Variants in RLF observed in about 807,000 individuals in gnomAD.
RLF encodes RLF zinc finger.
A neutral mutation model predicts 162.9 loss-of-function variants in RLF; 7 were observed. The ratio of observed to expected loss-of-function variants is 0.04; its 90% CI spans 0.02 to 0.08. The LOEUF (loss-of-function observed/expected upper bound fraction) is 0.08. Ranked by LOEUF, RLF falls within the 10% of genes least tolerant of loss-of-function variation. RLF has a pLI of 1.00. For synonymous variants in RLF, 782 were observed against 791.5 expected, an observed-to-expected ratio of 0.99 and a Z score of 0.20; for missense variants, 1,664 against 2,244.7, an observed-to-expected ratio of 0.74 and a Z score of 5.23.
Position 40,195,657 on chromosome 1 carries a change from T to G in RLF, c.500T>G (p.Phe167Cys). 1 of 1,612,820 alleles carries G rather than the reference T, an allele frequency of 6.2e-7. No individual in the cohort carries two copies. The highest frequency in any genetic ancestry group is 8.5e-7 in the Non-Finnish European group (1 of 1,179,190). Residue 167 changes from phenylalanine to cysteine, a missense_variant, in exon 4 of 8, where the codon TTT (phenylalanine) becomes TGT (cysteine). Phe to Cys is a radical substitution (Grantham distance 205). This residue lies in a region of RLF where 287 missense variants were observed against 404.9 expected (regional missense o/e 0.71). Coordinates refer to ENST00000372771, the MANE Select transcript of RLF (RefSeq NM_012421.4). ...GAGTCACATGATGCATTATTGGAAT[T>G]TGGGAATAATAACCTACAAATATTG... ...LQESHDALLE[F>C]GNNNLQILVH...
At chr1:40,216,390 A>G (rs1030508831) in intron 5 of RLF, among the ~76,000 whole-genome samples, 9 of 151,944 alleles carry the variant, frequency 5.9e-5, no homozygotes, top group African/African-American at 2.2e-4. Flanking sequence ...CAGGAGGCTG[A>G]GGCAGGAGAA....
At chr1:40,205,921 G>A (rs551479397) in intron 5 of RLF, among the ~76,000 whole-genome samples, 25 of 152,164 alleles carry the variant, frequency 1.6e-4, no homozygotes, top group Middle Eastern at 3.4e-3. Flanking sequence ...CTACTTTGCT[G>A]TCTGATGAGT....
intron 1 of RLF, among the ~76,000 whole-genome samples, chr1:40,184,155 G>A (rs1433425342): frequency 5.9e-5 from 9 of 152,160 alleles, no homozygotes; most frequent in African/African-American, 1.2e-4. Context: ...GTTTAGAAAA[G>A]TATAAAGATG....
At position 40,237,225 on chromosome 1, in the gene RLF, G is replaced by T; in HGVS notation, c.2523G>T (p.Glu841Asp). ...ACATAAAGAAATCAGTGAAACTTGA[G>T]GAGTCTGCAACAGGTGAAAAGCAAG... ...NGDIKKSVKL[E>D]ESATGEKQDC... The change falls in exon 8 of 8, where the codon GAG becomes GAT. Residue 841 changes from glutamate (E) to aspartate (D), a missense_variant. By Grantham distance (45) the Glu-to-Asp change is conservative. This residue lies in a region of RLF where 295 missense variants were observed against 317.4 expected (regional missense o/e 0.93). Transcript: ENST00000372771. The surrounding 1 kb of genome is among the most constrained non-coding windows in gnomAD (Gnocchi z 4.4). The T allele has an allele frequency of 2.5e-6, 4 of 1,613,882 alleles. No homozygotes were observed. The highest frequency in any genetic ancestry group is 3.4e-6 in the Non-Finnish European group (4 of 1,179,908).
chr1:40,187,044 T>G (rs1570528363), intron 1 of RLF, among the ~76,000 whole-genome samples: 1 of 151,586 alleles, frequency 6.6e-6, no homozygotes, highest in Middle Eastern at 3.4e-3. Flanking sequence ...TTTTTTGGTT[T>G]TTTTTTTTGA....
rs747567470 is a variant in RLF at position 40,237,928 on chromosome 1, A to G, written c.3226A>G (p.Ile1076Val). 13 of 1,614,064 alleles carry G rather than the reference A, an allele frequency of 8.1e-6. No homozygotes were observed. Among genetic ancestry groups the G allele is most frequent in the Admixed American group, 3.3e-5 (2 of 60,000 alleles). Residue 1076 changes from isoleucine (I) to valine (V), a missense_variant, in exon 8 of 8, where the codon ATA (isoleucine) becomes GTA (valine). Transcript: ENST00000372771. The surrounding 1 kb of genome is among the most constrained non-coding windows in gnomAD (Gnocchi z 4.4). ...GAAACATTTAAGCTTGAAAAACTCA[A>G]TAACACATGGATCTTTCTCAGGGTC... Reference protein sequence around the residue: ...RLKHLSLKNSITHGSFSGSLQ... With the variant: ...RLKHLSLKNSVTHGSFSGSLQ...
intron 1 of RLF, among the ~76,000 whole-genome samples, chr1:40,177,014 G>T (rs1642335736): frequency 6.7e-6 from 1 of 149,180 alleles, no homozygotes; most frequent in Non-Finnish European, 1.5e-5. Context: ...TTGAGACCGA[G>T]TCTCACTTTG....
In RLF at chr1:40,172,315, AT is replaced by A. The variant is rs561605506; in HGVS notation, c.237+10680del. 3.4e-3 allele frequency among the ~76,000 whole-genome samples: 511 copies of A among 152,322 alleles called. 8 individuals carry two copies. Among genetic ancestry groups the A allele is most frequent in the African/African-American group, 0.012 (490 of 41,572 alleles). ...TGTGTCCTTAAAAACACAAGTACTC[AT>A]CCTTTTGCAATTTACTTTTTAATTT... is the stretch of plus-strand genomic sequence containing the variant. On this transcript the variant is annotated intron_variant, in intron 1 of 7. Coordinates refer to ENST00000372771, the MANE Select transcript of RLF (RefSeq NM_012421.4).
chr1:40,222,707 C>T lies in RLF; in HGVS notation c.944C>T (p.Ser315Phe). The change falls in exon 6 of 8, where the codon TCT becomes TTT. Residue 315 changes from serine (S) to phenylalanine (F), a missense_variant. Physicochemically the swap from Ser to Phe is radical, Grantham distance 155. Coordinates refer to ENST00000372771, the MANE Select transcript of RLF (RefSeq NM_012421.4). ...CTCCAAACTGCAAGTGTATATTGTT[C>T]TTGGTAAGTATATTTAGTTTTACAC... is the stretch of plus-strand genomic sequence containing the variant. The part of the protein sequence containing the change: ...QQLQTASVYC[S>F]WELTLFWSKL... 6.2e-7 allele frequency: 1 copy of T among 1,612,368 alleles called. No homozygotes were observed. The highest frequency in any genetic ancestry group is 8.5e-7 in the Non-Finnish European group (1 of 1,179,220).
At chr1:40,210,669 A>G (rs1241133865) in intron 5 of RLF, among the ~76,000 whole-genome samples, 1 of 152,198 alleles carries the variant, frequency 6.6e-6, no homozygotes, top group Non-Finnish European at 1.5e-5. Flanking sequence ...TGTTTAGGAC[A>G]AGAGATTGTA....
chr1:40,238,986 G>A lies in RLF; in HGVS notation c.4284G>A (p.Leu1428=). The part of the protein sequence containing the change: ...FYTFNKLKHH[L]MEQHNIEGEI... ...CATTCAACAAGTTGAAGCACCACTT[G>A]ATGGAACAGCATAATATTGAAGGGG... is the stretch of plus-strand genomic sequence containing the variant. Residue 1428 remains leucine, a synonymous_variant, in exon 8 of 8, where the codon TTG becomes TTA. Coordinates refer to ENST00000372771, the MANE Select transcript of RLF (RefSeq NM_012421.4). The surrounding 1 kb of genome is among the most constrained non-coding windows in gnomAD (Gnocchi z 5.2). 1 of 1,614,178 alleles carries A rather than the reference G, an allele frequency of 6.2e-7. No individual in the cohort carries two copies. The highest frequency in any genetic ancestry group is 8.5e-7 in the Non-Finnish European group (1 of 1,180,018).
chr1:40,185,082 G>GT (rs1163169254), intron 1 of RLF, among the ~76,000 whole-genome samples: 3 of 151,760 alleles, frequency 2.0e-5, no homozygotes, highest in South Asian at 4.2e-4. Flanking sequence ...CAAAAAAAAA[G>GT]TTTTTTTTAA....
At chr1:40,180,235 G>C (rs1188678406) in intron 1 of RLF, among the ~76,000 whole-genome samples, 2 of 151,986 alleles carry the variant, frequency 1.3e-5, no homozygotes, top group Non-Finnish European at 2.9e-5. Context: ...CCACACCCTT[G>C]CTAACACTTT....
chr1:40,194,243 A>T (rs1014064354), intron 3 of RLF, among the ~76,000 whole-genome samples: 1 of 152,222 alleles, frequency 6.6e-6, no homozygotes, highest in Non-Finnish European at 1.5e-5. Context: ...CAATTATATA[A>T]TGATTTGTGT....
intron 5 of RLF, among the ~76,000 whole-genome samples, chr1:40,217,280 A>C (rs1642936681): frequency 6.6e-6 from 1 of 152,158 alleles, no homozygotes; most frequent in Non-Finnish European, 1.5e-5. Flanking sequence ...AACCTCGGCA[A>C]CAATATGAAA....
At chr1:40,193,067 C>G (rs1642581579) in intron 3 of RLF, among the ~76,000 whole-genome samples, 2 of 135,452 alleles carry the variant, frequency 1.5e-5, no homozygotes, top group South Asian at 4.4e-4. Flanking sequence ...CAATGTCTTG[C>G]TATTTACTGT....
chr1:40,202,633 T>C lies in RLF; in HGVS notation c.810+19T>C. ...TAAGGAGGTGAGTAAATAATTGTTG[T>C]CATTCAAACTTGGTATTAATTTAAT... is the stretch of plus-strand genomic sequence containing the variant. On this transcript the variant is annotated intron_variant, in intron 5 of 7. Coordinates refer to ENST00000372771, the MANE Select transcript of RLF (RefSeq NM_012421.4). 1 of 1,362,982 alleles carries C rather than the reference T, an allele frequency of 7.3e-7. No individual in the cohort carries two copies. The highest frequency in any genetic ancestry group is 1.0e-6 in the Non-Finnish European group (1 of 1,002,950). 84.4% of individuals were successfully genotyped at this position (1,362,982 alleles called of 1,614,324 possible). A position where few individuals can be genotyped will look rare whatever the true frequency, so the allele number is the denominator to read the frequency against.
chr1:40,171,311 G>A (rs777517719), intron 1 of RLF, among the ~76,000 whole-genome samples: 29 of 152,260 alleles, frequency 1.9e-4, no homozygotes, highest in Admixed American at 4.6e-4. Flanking sequence ...TTAGAGGCGT[G>A]AGCCACCACT....
intron 1 of RLF, among the ~76,000 whole-genome samples, chr1:40,165,330 G>A (rs1483973415): frequency 6.6e-6 from 1 of 152,116 alleles, no homozygotes; most frequent in African/African-American, 2.4e-5. Flanking sequence ...TTAAAATTTT[G>A]TCTGTAAGTT....
Sources: gnomAD v4.1 joint callset for allele counts (sites outside exome capture counted in the v4.1 genomes callset) on GRCh38, gnomAD v4.1.1 for gene constraint, gnomAD v4.1.1 regional missense constraint, Gnocchi (gnomAD v3.1) non-coding constraint, MANE v1.5 for transcripts, NCBI Gene and HGNC (gene_info 2026-07-23, HGNC 2026-07-21) for gene names.